The following SSBP3 variants were observed in gnomAD, a reference collection of about 807,000 sequenced individuals.
SSBP3 encodes the protein single stranded DNA binding protein 3, also known as single-stranded DNA-binding protein 3.
Under a neutral mutation model 69.6 loss-of-function variants are expected in SSBP3, and 5 were observed. The ratio of observed to expected loss-of-function variants is 0.07; its 90% CI spans 0.04 to 0.15. The LOEUF is 0.15. Ranked by LOEUF, SSBP3 falls within the 10% of genes least tolerant of loss-of-function variation. SSBP3 has a pLI of 1.00. For missense variants in SSBP3, 312 were observed against 534.0 expected, an observed-to-expected ratio of 0.58 and a Z score of 4.10; for synonymous variants, 196 against 193.4, an observed-to-expected ratio of 1.01 and a Z score of -0.11.
intron 4 of SSBP3, among the ~76,000 whole-genome samples, chr1:54,327,024 G>A (rs1441895297): frequency 2.6e-5 from 4 of 151,986 alleles, no homozygotes; most frequent in Non-Finnish European, 4.4e-5. Flanking sequence ...GACAGGCAAC[G>A]CCAGGGCAGA....
intron 4 of SSBP3, among the ~76,000 whole-genome samples, chr1:54,360,419 CCAATCTTGG>C (rs1257236074): frequency 4.6e-5 from 7 of 152,192 alleles, no homozygotes; most frequent in Middle Eastern, 3.2e-3. Context: ...AATTCTCTGT[CCAATCTTGG>C]CAATCACTTC....
chr1:54,321,085 G>C (rs1363987025), intron 4 of SSBP3, among the ~76,000 whole-genome samples: 1 of 152,200 alleles, frequency 6.6e-6, no homozygotes. Context: ...GTATAGCCAA[G>C]AACTCCCAAG....
intron 4 of SSBP3, among the ~76,000 whole-genome samples, chr1:54,318,124 G>A (rs1259048306): frequency 6.6e-6 from 1 of 152,158 alleles, no homozygotes; most frequent in African/African-American, 2.4e-5. Context: ...TGGGAGCGAG[G>A]AGAGGTGGGT....
At chr1:54,380,799 A>C (rs1647568727) in intron 4 of SSBP3, among the ~76,000 whole-genome samples, 1 of 152,152 alleles carries the variant, frequency 6.6e-6, no homozygotes, top group Non-Finnish European at 1.5e-5. Flanking sequence ...AGTCTGACAG[A>C]GTGTGGGCAC....
chr1:54,325,955 C>T (rs931575362), intron 4 of SSBP3, among the ~76,000 whole-genome samples: 2 of 151,942 alleles, frequency 1.3e-5, no homozygotes, highest in South Asian at 4.2e-4. Flanking sequence ...GCAGCTCCCC[C>T]CCGCCACCCC....
At chr1:54,247,470 T>A (rs975710004) in intron 9 of SSBP3, among the ~76,000 whole-genome samples, 4 of 152,070 alleles carry the variant, frequency 2.6e-5, no homozygotes, top group Middle Eastern at 6.8e-3. Context: ...CAGCTCGGGG[T>A]GCTCAGGACC....
chr1:54,396,984 A>G (rs1648935390), intron 4 of SSBP3, among the ~76,000 whole-genome samples: 1 of 152,212 alleles, frequency 6.6e-6, no homozygotes, highest in African/African-American at 2.4e-5. Flanking sequence ...CTCTGGGGTT[A>G]AGAGGAATTG....
intron 4 of SSBP3, among the ~76,000 whole-genome samples, chr1:54,310,944 C>G (rs1440883603): frequency 6.6e-6 from 1 of 152,352 alleles, no homozygotes; most frequent in East Asian, 1.9e-4. Context: ...CGTGTGGGGG[C>G]TGACATCACC....
At chr1:54,233,975 G>C (rs1262141825) in intron 14 of SSBP3, among the ~76,000 whole-genome samples, 2 of 152,172 alleles carry the variant, frequency 1.3e-5, no homozygotes, top group Admixed American at 1.3e-4. Context: ...AGTAGACATG[G>C]GAGACTTTTC....
At chr1:54,277,196 G>A (rs1224796945) in intron 5 of SSBP3, among the ~76,000 whole-genome samples, 3 of 151,046 alleles carry the variant, frequency 2.0e-5, no homozygotes, top group East Asian at 3.9e-4. Context: ...TACCACCACC[G>A]ACACATTCAC....
chr1:54,266,646 T>A (rs1232302245), intron 5 of SSBP3, among the ~76,000 whole-genome samples: 1 of 152,218 alleles, frequency 6.6e-6, no homozygotes, highest in Non-Finnish European at 1.5e-5. Flanking sequence ...CTCACATTTC[T>A]CTTGTAAGAC....
chr1:54,293,580 A>G (rs969444125), intron 4 of SSBP3, among the ~76,000 whole-genome samples: 3 of 152,190 alleles, frequency 2.0e-5, no homozygotes, highest in African/African-American at 7.2e-5. Flanking sequence ...TCTTTCACAC[A>G]TATTTCCTTG....
chr1:54,315,993 G>C (rs937515271), intron 4 of SSBP3, among the ~76,000 whole-genome samples: 1 of 152,062 alleles, frequency 6.6e-6, no homozygotes, highest in Non-Finnish European at 1.5e-5. Context: ...ATTTGGCAAA[G>C]GATTCAAGGG....
chr1:54,383,150 G>A (rs767686791), intron 4 of SSBP3, among the ~76,000 whole-genome samples: 47 of 152,070 alleles, frequency 3.1e-4, no homozygotes, highest in Non-Finnish European at 5.4e-4. Flanking sequence ...GAGGTGGGCG[G>A]ATTGTCTGAG....
In SSBP3 at chr1:54,364,295, C is replaced by T. The variant is rs190356173; in HGVS notation, c.276+37566G>A. Among the ~76,000 whole-genome samples the T allele has an allele frequency of 1.3e-3, 201 of 152,282 alleles. 8 individuals carry two copies. The South Asian group carries it at 0.027, about 20-fold the overall frequency. On this transcript the variant is annotated intron_variant, in intron 4 of 17. Transcript: ENST00000610401. ...TCTGGTCCTTTATAGAAAAAGTTGG[C>T]CAAACCCTACTCTAGTGTCAAGTAC...
chr1:54,240,079 T>C (rs866677898), intron 13 of SSBP3, among the ~76,000 whole-genome samples: 307 of 32,762 alleles, frequency 9.4e-3, no homozygotes, highest in Middle Eastern at 0.013. Context: ...TGTGTGTGTG[T>C]GTGTGTGTGC....
At position 54,234,444 on chromosome 1, in the gene SSBP3, C is replaced by T. The variant is rs543969540; in HGVS notation, c.927+4685G>A. 1.1e-4 allele frequency among the ~76,000 whole-genome samples: 16 copies of T among 151,880 alleles called. No individual in the cohort carries two copies. In the South Asian group the frequency reaches 3.3e-3, roughly 32 times the overall value. The stretch of plus-strand genomic sequence containing the variant: ...CTCTACAACAACAAATAAAATTAGC[C>T]GGGTGTGGTGGCACGTGCCTGTAGT... On this transcript the variant is annotated intron_variant, in intron 14 of 17. Coordinates refer to ENST00000610401, the Ensembl canonical transcript of SSBP3.
chr1:54,340,605 G>A (rs1302166232), intron 4 of SSBP3, among the ~76,000 whole-genome samples: 1 of 152,232 alleles, frequency 6.6e-6, no homozygotes, highest in Admixed American at 6.5e-5. Flanking sequence ...CTCTGGGAAT[G>A]GTGCAAATTT....
Position 54,304,959 on chromosome 1 carries a change from G to A in SSBP3, c.277-23432C>T, listed in dbSNP as rs186699633. Among the ~76,000 whole-genome samples, 38 of 152,298 alleles carry A rather than the reference G, an allele frequency of 2.5e-4. No individual in the cohort carries two copies. The East Asian group carries it at 6.0e-3, about 24-fold the overall frequency. On this transcript the variant is annotated intron_variant, in intron 4 of 17. Coordinates refer to ENST00000610401, the Ensembl canonical transcript of SSBP3. The stretch of plus-strand genomic sequence containing the variant: ...ACCGACACCATGAGGAAGCGAGGAT[G>A]CGTGGGACCCGGAGCGGCTCTTAGT...
Sources: allele counts gnomAD v4.1 joint callset (sites outside exome capture counted in the v4.1 genomes callset), GRCh38; gene constraint gnomAD v4.1.1; transcripts MANE v1.5; gene names NCBI Gene and HGNC (gene_info 2026-07-23, HGNC 2026-07-21).